The following SERPINE2 variants were observed in gnomAD, a reference collection of about 807,000 sequenced individuals.
The protein encoded by SERPINE2 is serpin family E member 2.
A neutral mutation model predicts 36.3 loss-of-function variants in SERPINE2; 14 were observed. That is an observed-to-expected ratio of 0.39 (90% CI 0.25 to 0.60). SERPINE2 has a LOEUF of 0.60. Ranked by LOEUF, SERPINE2 falls within the 20% of genes least tolerant of loss-of-function variation. The probability of loss-of-function intolerance (pLI) is 0.57; values close to 1 mark genes in which losing one functional copy is unlikely to be tolerated. For missense variants in SERPINE2, 418 were observed against 499.6 expected (o/e 0.84, Z 1.56); for synonymous variants, 192 against 191.8 (o/e 1.00, Z -0.01).
rs71058976 is a variant in SERPINE2, at chr2:224,005,065, T to TTATATATATATA, written c.-22-3155_-22-3144dup. Among the ~76,000 whole-genome samples, 236 of 33,400 alleles carry TTATATATATATA rather than the reference T, an allele frequency of 7.1e-3. 1 individual carries two copies. Among genetic ancestry groups the TTATATATATATA allele is most frequent in the African/African-American group, 0.017 (169 of 9,926 alleles). 21.9% of individuals were successfully genotyped at this position (33,400 alleles called of 152,430 possible). On this transcript the variant is annotated intron_variant, in intron 1 of 8. Transcript: ENST00000409304. ...ATATATTTTATATATTTTATATATA[T>TTATATATATATA]TATATATATATATATATATATATAT...
At chr2:224,003,047 T>A (rs1574831100) in intron 1 of SERPINE2, among the ~76,000 whole-genome samples, 1 of 151,418 alleles carries the variant, frequency 6.6e-6, no homozygotes, top group Admixed American at 6.6e-5. Context: ...GCCGGCAGGG[T>A]GCGGGGGGTG....
intron 4 of SERPINE2, among the ~76,000 whole-genome samples, chr2:223,987,081 T>C (rs1690464711): frequency 1.3e-5 from 2 of 152,180 alleles, no homozygotes; most frequent in Admixed American, 6.5e-5. Context: ...CCTGCACTTG[T>C]AGCACACTAG....
intron 4 of SERPINE2, among the ~76,000 whole-genome samples, chr2:223,985,580 A>G (rs558279282): frequency 3.4e-4 from 52 of 152,282 alleles, no homozygotes; most frequent in African/African-American, 1.1e-3. Flanking sequence ...GAGCATCCAC[A>G]GGGCTCACTC....
intron 1 of SERPINE2, among the ~76,000 whole-genome samples, chr2:224,004,491 C>T (rs1191359547): frequency 2.0e-5 from 3 of 152,148 alleles, no homozygotes; most frequent in African/African-American, 4.8e-5. Context: ...AACGGGCCAG[C>T]GTGGCCTATT....
chr2:224,005,096 T>TATATATATATATAA (rs1251441985), intron 1 of SERPINE2, among the ~76,000 whole-genome samples: 4 of 132,024 alleles, frequency 3.0e-5, no homozygotes, highest in African/African-American at 1.2e-4. Flanking sequence ...TATATATATA[T>TATATATATATATAA]AAAACATTGT....
At chr2:224,014,719 C>T (rs1227814516) in intron 1 of SERPINE2, among the ~76,000 whole-genome samples, 1 of 152,238 alleles carries the variant, frequency 6.6e-6, no homozygotes, top group Non-Finnish European at 1.5e-5. Context: ...CCCAACAAAA[C>T]CCACTTTGTT....
At chr2:224,018,655 T>C (rs938933636) in intron 1 of SERPINE2, among the ~76,000 whole-genome samples, 1 of 152,022 alleles carries the variant, frequency 6.6e-6, no homozygotes, top group East Asian at 1.9e-4. Flanking sequence ...CCCTTTATCA[T>C]AGAAAACCAG....
At chr2:223,994,645 T>C (rs1193316457) in intron 3 of SERPINE2, among the ~76,000 whole-genome samples, 1 of 152,084 alleles carries the variant, frequency 6.6e-6, no homozygotes, top group Non-Finnish European at 1.5e-5. Flanking sequence ...TTTAAATAAA[T>C]ATCTGGAAGT....
At chr2:224,008,946 G>C (rs4674837) in intron 1 of SERPINE2, among the ~76,000 whole-genome samples, 15,457 of 152,166 alleles carry the variant, frequency 0.1, 919 homozygotes, top group East Asian at 0.2. Flanking sequence ...ACACTGAACG[G>C]GTTTGCCTCC....
chr2:224,028,806 G>A (rs1692269657), intron 1 of SERPINE2, among the ~76,000 whole-genome samples: 1 of 152,136 alleles, frequency 6.6e-6, no homozygotes, highest in African/African-American at 2.4e-5. Context: ...GCTATGGTGG[G>A]AGGAGCCCAA....
At chr2:224,035,381 T>TTTGTTTTTG (rs1692499927) in intron 1 of SERPINE2, among the ~76,000 whole-genome samples, 1 of 91,252 alleles carries the variant, frequency 1.1e-5, no homozygotes, top group Admixed American at 1.3e-4. Context: ...TTTTTTTTGT[T>TTTGTTTTTG]TTGTTTTTGT....
chr2:224,017,438 A>G (rs1346069596), intron 1 of SERPINE2, among the ~76,000 whole-genome samples: 1 of 152,182 alleles, frequency 6.6e-6, no homozygotes, highest in Non-Finnish European at 1.5e-5. Context: ...CAAAAATGTA[A>G]TATTTTTGGT....
In SERPINE2 at chr2:224,039,216, G is replaced by A. The variant is rs946557316; in HGVS notation, c.-140C>T. 18 of 151,158 alleles carry A rather than the reference G, an allele frequency of 1.2e-4. No individual in the cohort carries two copies. The highest frequency in any genetic ancestry group is 4.3e-4 in the African/African-American group (18 of 41,438). The allele number at this position is 151,158 out of a possible 1,614,324, so 9.4% of individuals were successfully genotyped here. A position where few individuals can be genotyped will look rare whatever the true frequency, so the allele number is the denominator to read the frequency against. On this transcript the variant is annotated 5_prime_UTR_variant, in exon 1 of 9. Transcript: ENST00000409304. This position sits in a 1 kb window ranked among gnomAD's most constrained non-coding sequence, Gnocchi z 5.2. ...GACGCAGCCAAGCGGCGGCGGCGAG[G>A]AGGGTCACAGCCGGAAAGAGGCAGC...
intron 1 of SERPINE2, chr2:224,031,145 T>C: frequency 1.0e-6 from 1 of 985,448 alleles, no homozygotes; most frequent in Non-Finnish European, 1.2e-6. Context: ...ATCCATGGTA[T>C]CAGCTCACGG....
chr2:224,027,278 C>A (rs116338896), intron 1 of SERPINE2, among the ~76,000 whole-genome samples: 2,002 of 152,056 alleles, frequency 0.013, 40 homozygotes, highest in African/African-American at 0.045. Context: ...AGCTACAGAA[C>A]CATCTTGGGC....
chr2:223,998,336 C>T lies in SERPINE2; in HGVS notation c.266G>A (p.Gly89Asp), dbSNP rs1326826783. 3 of 1,610,074 alleles carry T rather than the reference C, an allele frequency of 1.9e-6. No homozygotes were observed. Among genetic ancestry groups the T allele is most frequent in the Non-Finnish European group, 2.6e-6 (3 of 1,176,422 alleles). The part of the protein sequence containing the change: ...MVMRYGVNGV[G>D]KILKKINKAI... Reference sequence around the variant, plus strand: ...CTTGTTGATCTTCTTTAATATTTTACCAACTCCTAAAAGAGAAATCAGAAG... The same window carrying T: ...CTTGTTGATCTTCTTTAATATTTTATCAACTCCTAAAAGAGAAATCAGAAG... Residue 89 changes from glycine (G) to aspartate (D), a missense_variant, in exon 3 of 9, where the codon GGT becomes GAT. Transcript: ENST00000409304.
Position 223,980,295 on chromosome 2 carries a change from G to A in SERPINE2, c.1072+16C>T, listed in dbSNP as rs771779589. The A allele has an allele frequency of 1.1e-5, 17 of 1,607,182 alleles. No individual in the cohort carries two copies. Among genetic ancestry groups the A allele is most frequent in the South Asian group, 4.4e-5 (4 of 90,948 alleles). ...CCCCTGCTAGAGGAAGCCCTGCCAC[G>A]TGACCCAGTGCTTACTTGTTGCTGC... On this transcript the variant is annotated intron_variant, in intron 7 of 8. Coordinates refer to ENST00000409304, the MANE Select transcript of SERPINE2 (RefSeq NM_001136528.2).
At chr2:224,004,785 T>A (rs1691327946) in intron 1 of SERPINE2, among the ~76,000 whole-genome samples, 1 of 151,744 alleles carries the variant, frequency 6.6e-6, no homozygotes, top group African/African-American at 2.4e-5. Flanking sequence ...ACCAACTTCA[T>A]CCATCTCAAT....
chr2:224,020,865 A>G (rs1559217512), intron 1 of SERPINE2, among the ~76,000 whole-genome samples: 1 of 152,230 alleles, frequency 6.6e-6, no homozygotes, highest in African/African-American at 2.4e-5. Flanking sequence ...TGCTCCACAC[A>G]TTTAATTCAA....
Sources: allele counts gnomAD v4.1 joint callset (sites outside exome capture counted in the v4.1 genomes callset), GRCh38; gene constraint gnomAD v4.1.1; non-coding constraint Gnocchi (gnomAD v3.1); transcripts MANE v1.5; gene names NCBI Gene and HGNC (gene_info 2026-07-23, HGNC 2026-07-21).